TCN2: variants seen among roughly 807,000 people sequenced by gnomAD.
The protein encoded by TCN2 is transcobalamin 2.
TCN2 carries 34 observed loss-of-function variants against 48.6 expected under a neutral mutation model. That is an observed-to-expected ratio of 0.70 (90% CI 0.53 to 0.93). The LOEUF (loss-of-function observed/expected upper bound fraction) is 0.93. Ranked by LOEUF, TCN2 falls within the 40% of genes least tolerant of loss-of-function variation. The pLI is 0.00. For synonymous variants in TCN2, 283 were observed against 212.5 expected (o/e 1.33, Z -2.89); for missense variants, 652 against 526.1 (o/e 1.24, Z -2.34).
At chr22:30,622,892 C>A in intron 7 of TCN2, 76 bp from the exon 8 acceptor site, 1 of 1,468,598 alleles carries the variant, frequency 6.8e-7, no homozygotes, top group Non-Finnish European at 9.5e-7. Flanking sequence ...GATTTTGCTG[C>A]TGTGGGTGAG....
At chr22:30,623,787 T>TATACACACATATATAC (rs1569046401) in intron 8 of TCN2, among the ~76,000 whole-genome samples, 1 of 2,064 alleles carries the variant, frequency 4.8e-4, no homozygotes, top group African/African-American at 2.8e-3. Context: ...TATATATGTA[T>TATACACACATATATAC]ACATATATAC....
At position 30,626,614 on chromosome 22, in the gene TCN2, G is replaced by T; in HGVS notation, c.*93G>T. 7.2e-7 allele frequency: 1 copy of T among 1,397,152 alleles called. No individual in the cohort carries two copies. Among genetic ancestry groups the T allele is most frequent in the Non-Finnish European group, 1.0e-6 (1 of 993,186 alleles). The allele number at this position is 1,397,152 out of a possible 1,614,324, so 86.5% of individuals were successfully genotyped here. On this transcript the variant is annotated 3_prime_UTR_variant, in exon 9 of 9. Coordinates refer to ENST00000215838, the MANE Select transcript of TCN2 (RefSeq NM_000355.4). ...CTGGAACAGGAACTCGCCTGACCCT[G>T]CTGCCACCTCCTGTGCACTTTGAGC...
Position 30,623,851 on chromosome 22 carries a change from CACAT to C in TCN2, c.1222+776_1222+779del, listed in dbSNP as rs778742905. Among the ~76,000 whole-genome samples the C allele has an allele frequency of 1.6e-3, 95 of 60,442 alleles. 35 individuals are homozygous for C. Among genetic ancestry groups the C allele is most frequent in the African/African-American group, 6.3e-3 (41 of 6,524 alleles). 39.7% of individuals were successfully genotyped at this position (60,442 alleles called of 152,430 possible). A position where few individuals can be genotyped will look rare whatever the true frequency, so the allele number is the denominator to read the frequency against. On this transcript the variant is annotated intron_variant, in intron 8 of 8. Coordinates refer to ENST00000215838, the MANE Select transcript of TCN2 (RefSeq NM_000355.4). ...ACACACATATACACACACATACATACACATACATACACACATATATACACACATA... is the reference window on the plus strand; with the variant it reads ...ACACACATATACACACACATACATACACATACACACATATATACACACATA...
chr22:30,619,638 C>T (rs1319434749), intron 7 of TCN2, among the ~76,000 whole-genome samples: 1 of 152,160 alleles, frequency 6.6e-6, no homozygotes, highest in African/African-American at 2.4e-5. Context: ...GACTTCTCCC[C>T]TAGAATCATG....
At chr22:30,609,118 A>T (rs976573063) in intron 1 of TCN2, among the ~76,000 whole-genome samples, 1 of 150,466 alleles carries the variant, frequency 6.6e-6, no homozygotes, top group Non-Finnish European at 1.5e-5. Context: ...ACAAACGCTA[A>T]TGCAAAGTGG....
At chr22:30,611,259 C>T in intron 2 of TCN2, 196 bp downstream of exon 2, 1 of 676,904 alleles carries the variant, frequency 1.5e-6, no homozygotes, top group Non-Finnish European at 2.6e-6. Context: ...ATGCAAGGCT[C>T]CTTTTGCTAC....
chr22:30,623,233 G>A, intron 8 of TCN2, 150 bp downstream of exon 8: 2 of 650,168 alleles, frequency 3.1e-6, no homozygotes, highest in Non-Finnish European at 5.2e-6. Flanking sequence ...ATAATATATT[G>A]AACTGAAGCC....
Position 30,614,474 on chromosome 22 carries a change from C to G in TCN2, c.553C>G (p.Pro185Ala), listed in dbSNP as rs759922664. ...GGACAAACTTCTGTATGCTGTGGAA[C>G]CTTTCCACCAGGGCCACCATTCTGT... ...VVDKLLYAVE[P>A]FHQGHHSVDT... The change falls in exon 4 of 9, where the codon CCT becomes GCT. Residue 185 changes from proline (P) to alanine (A), a missense_variant. Coordinates refer to ENST00000215838, the MANE Select transcript of TCN2 (RefSeq NM_000355.4). 3.1e-6 allele frequency: 5 copies of G among 1,614,164 alleles called. No homozygotes were observed. The highest frequency in any genetic ancestry group is 2.2e-5 in the East Asian group (1 of 44,886).
At position 30,626,744 on chromosome 22, in the gene TCN2, C is replaced by T. The variant is rs930229273; in HGVS notation, c.*223C>T. The T allele has an allele frequency of 3.3e-6, 2 of 613,696 alleles. No individual in the cohort carries two copies. Among genetic ancestry groups the T allele is most frequent in the African/African-American group, 1.8e-5 (1 of 54,772 alleles). 38.0% of individuals were successfully genotyped at this position (613,696 alleles called of 1,614,324 possible). A position where few individuals can be genotyped will look rare whatever the true frequency, so the allele number is the denominator to read the frequency against. ...ATCTTCCCTGGGAAGTCTTTCTGGC[C>T]AAGTCTGGCCAGCCTGGCCCTGCAG... On this transcript the variant is annotated 3_prime_UTR_variant, in exon 9 of 9. Transcript: ENST00000215838.
At position 30,612,854 on chromosome 22, in the gene TCN2, T is replaced by A; in HGVS notation, c.258-19T>A. 2.5e-6 allele frequency: 4 copies of A among 1,612,636 alleles called. No homozygotes were observed. Among genetic ancestry groups the A allele is most frequent in the Non-Finnish European group, 3.4e-6 (4 of 1,179,922 alleles). Reference sequence around the variant, plus strand: ...GGGGTGGCAGTTTCTCACAAAGGCATTAACTGGCCTTGTCCTAGGTCTGCC... The same window carrying A: ...GGGGTGGCAGTTTCTCACAAAGGCAATAACTGGCCTTGTCCTAGGTCTGCC... On this transcript the variant is annotated intron_variant, in intron 2 of 8. Coordinates refer to ENST00000215838, the MANE Select transcript of TCN2 (RefSeq NM_000355.4).
At chr22:30,607,543 G>A in intron 1 of TCN2, 148 bp downstream of exon 1, 2 of 737,760 alleles carry the variant, frequency 2.7e-6, no homozygotes, top group Non-Finnish European at 2.2e-6. Context: ...ACATCCTATT[G>A]TGATTGATTA....
At chr22:30,625,166 T>C (rs1045951415) in intron 8 of TCN2, among the ~76,000 whole-genome samples, 21 of 152,174 alleles carry the variant, frequency 1.4e-4, no homozygotes, top group African/African-American at 4.6e-4. Context: ...TGCCGTGAGC[T>C]GAGATCACGC....
At chr22:30,621,459 G>C (rs2087698362) in intron 7 of TCN2, among the ~76,000 whole-genome samples, 1 of 126,334 alleles carries the variant, frequency 7.9e-6, no homozygotes, top group Non-Finnish European at 1.8e-5. Flanking sequence ...CCCAGAACCT[G>C]CTCATTTGTT....
chr22:30,623,947 C>CATGTATATATATACACACATAT lies in TCN2; in HGVS notation c.1222+866_1222+867insGTATATATATACACACATATAT, dbSNP rs2087756930. ...ATATGTATACATATATACACACACA[C>CATGTATATATATACACACATAT]ATATGTATACATATATACACACACA... On this transcript the variant is annotated intron_variant, in intron 8 of 8. Coordinates refer to ENST00000215838, the MANE Select transcript of TCN2 (RefSeq NM_000355.4). 1.1e-4 allele frequency among the ~76,000 whole-genome samples: 3 copies of CATGTATATATATACACACATAT among 27,432 alleles called. 1 individual carries two copies. The highest frequency in any genetic ancestry group is 1.7e-4 in the Non-Finnish European group (3 of 17,476). 18.0% of individuals were successfully genotyped at this position (27,432 alleles called of 152,430 possible).
At chr22:30,619,980 T>C (rs1316367683) in intron 7 of TCN2, among the ~76,000 whole-genome samples, 1 of 152,050 alleles carries the variant, frequency 6.6e-6, no homozygotes, top group Non-Finnish European at 1.5e-5. Flanking sequence ...ATAGTGAGAC[T>C]GCCATCTCTT....
rs1334964054 is a variant in TCN2 at position 30,626,944 on chromosome 22, C to T, written c.*423C>T. 2 of 290,838 alleles carry T rather than the reference C, an allele frequency of 6.9e-6. No individual in the cohort carries two copies. The highest frequency in any genetic ancestry group is 1.6e-4 in the East Asian group (2 of 12,300). 18.0% of individuals were successfully genotyped at this position (290,838 alleles called of 1,614,324 possible). On this transcript the variant is annotated 3_prime_UTR_variant, in exon 9 of 9. Transcript: ENST00000215838. ...ATGGCCCTGACCCCAGCTCTCCACT[C>T]TGCTGTTAGAGTGGCAGCTCCGAGC...
intron 7 of TCN2, chr22:30,617,791 C>T: frequency 2.2e-6 from 1 of 453,248 alleles, no homozygotes; most frequent in South Asian, 2.1e-5. Flanking sequence ...AACAGTTGTG[C>T]CCCTTCCCTG....
intron 7 of TCN2, among the ~76,000 whole-genome samples, chr22:30,622,079 C>T (rs2087708113): frequency 6.6e-6 from 1 of 152,184 alleles, no homozygotes; most frequent in Non-Finnish European, 1.5e-5. Flanking sequence ...CCTCTACGTC[C>T]CGGGTTCAAG....
chr22:30,620,463 GC>G (rs2087682444), intron 7 of TCN2, among the ~76,000 whole-genome samples: 1 of 152,252 alleles, frequency 6.6e-6, no homozygotes, highest in Non-Finnish European at 1.5e-5. Flanking sequence ...TGAAGCCTGG[GC>G]ACTCCTGGCC....
Sources: gnomAD v4.1 joint callset for allele counts (sites outside exome capture counted in the v4.1 genomes callset) on GRCh38, gnomAD v4.1.1 for gene constraint, MANE v1.5 for transcripts, NCBI Gene and HGNC (gene_info 2026-07-23, HGNC 2026-07-21) for gene names.